The following NELL1 variants were observed in gnomAD, a reference collection of about 807,000 sequenced individuals.
NELL1 encodes protein kinase C-binding protein NELL1.
Under a neutral mutation model 107.4 loss-of-function variants are expected in NELL1, and 76 were observed. That is an observed-to-expected ratio of 0.71 (90% CI 0.59 to 0.86). NELL1 has a LOEUF of 0.86. Among genes scored for constraint, NELL1 ranks in the 40% least tolerant of loss-of-function variants. The probability of loss-of-function intolerance (pLI) is 0.00; values close to 1 mark genes in which losing one functional copy is unlikely to be tolerated. For synonymous variants in NELL1, 353 were observed against 341.2 expected (o/e 1.03, Z -0.38); for missense variants, 1,024 against 1,005.5 (o/e 1.02, Z -0.25).
At chr11:21,485,070 G>T (rs1360487561) in intron 15 of NELL1, among the ~76,000 whole-genome samples, 1 of 152,106 alleles carries the variant, frequency 6.6e-6, no homozygotes, top group Admixed American at 6.5e-5. Context: ...TCATATACTT[G>T]CCATGTATAA....
intron 5 of NELL1, among the ~76,000 whole-genome samples, chr11:20,904,634 G>C (rs1206445530): frequency 1.3e-5 from 2 of 152,074 alleles, no homozygotes; most frequent in African/African-American, 4.8e-5. Flanking sequence ...GGTCAGAAAA[G>C]ACTTGAGAAC....
chr11:20,854,536 A>C (rs1296492125), intron 4 of NELL1, among the ~76,000 whole-genome samples: 1 of 152,212 alleles, frequency 6.6e-6, no homozygotes, highest in Non-Finnish European at 1.5e-5. Context: ...GCTGATGAGC[A>C]AAGACCAAAG....
At position 21,358,812 on chromosome 11, in the gene NELL1, A is replaced by G. The variant is rs531609808; in HGVS notation, c.1550-12041A>G. Among the ~76,000 whole-genome samples the G allele has an allele frequency of 3.3e-5, 5 of 152,050 alleles. No individual in the cohort carries two copies. In the South Asian group the frequency reaches 1.0e-3, roughly 32 times the overall value. Reference sequence around the variant, plus strand: ...AGCTTGGGCATTGTTGATATGTACCAGTGCTACTGATTTGTGTACATTGTA... The same window carrying G: ...AGCTTGGGCATTGTTGATATGTACCGGTGCTACTGATTTGTGTACATTGTA... On this transcript the variant is annotated intron_variant, in intron 14 of 19. Transcript: ENST00000357134.
intron 14 of NELL1, among the ~76,000 whole-genome samples, chr11:21,319,734 G>A (rs1336485713): frequency 2.0e-5 from 3 of 151,720 alleles, no homozygotes; most frequent in Non-Finnish European, 2.9e-5. Flanking sequence ...TGGATCATGA[G>A]GTCAGGAGAT....
At chr11:21,465,981 T>TAGGG (rs1854020359) in intron 15 of NELL1, among the ~76,000 whole-genome samples, 1 of 152,020 alleles carries the variant, frequency 6.6e-6, no homozygotes, top group Non-Finnish European at 1.5e-5. Context: ...CAGTCAACTG[T>TAGGG]AGGGATCCAA....
At chr11:21,469,993 A>T (rs915871529) in intron 15 of NELL1, among the ~76,000 whole-genome samples, 72 of 152,060 alleles carry the variant, frequency 4.7e-4, no homozygotes, top group African/African-American at 1.6e-3. Context: ...TCTTTCTCTG[A>T]AAAGTATAAT....
chr11:20,686,527 G>A (rs1185895383), intron 2 of NELL1, among the ~76,000 whole-genome samples: 3 of 152,114 alleles, frequency 2.0e-5, no homozygotes, highest in Admixed American at 6.6e-5. Context: ...ACTGCCGGGT[G>A]GTTGGAGAGG....
intron 12 of NELL1, among the ~76,000 whole-genome samples, chr11:21,062,472 A>T (rs1475026927): frequency 6.6e-6 from 1 of 152,234 alleles, no homozygotes; most frequent in Non-Finnish European, 1.5e-5. Context: ...TCTATTAACT[A>T]GAAAGCTTTT....
chr11:21,489,903 C>T (rs77530422), intron 15 of NELL1, among the ~76,000 whole-genome samples: 2,274 of 151,992 alleles, frequency 0.015, 62 homozygotes, highest in African/African-American at 0.052. Context: ...CAAAGATGCC[C>T]ACTTACATCA....
intron 12 of NELL1, among the ~76,000 whole-genome samples, chr11:21,096,761 C>G (rs1020911654): frequency 6.6e-6 from 1 of 152,154 alleles, no homozygotes; most frequent in African/African-American, 2.4e-5. Flanking sequence ...GGGTCTCACT[C>G]TGTCACCCAG....
At chr11:20,874,130 C>T (rs141659833) in intron 4 of NELL1, among the ~76,000 whole-genome samples, 412 of 152,266 alleles carry the variant, frequency 2.7e-3, no homozygotes, top group Admixed American at 4.6e-3. Context: ...TGCAATGGCA[C>T]GATCACGGCT....
Position 21,096,093 on chromosome 11 carries a change from A to G in NELL1, c.1301-17496A>G, listed in dbSNP as rs115742364. 8.9e-3 allele frequency among the ~76,000 whole-genome samples: 1,351 copies of G among 152,224 alleles called. 26 individuals carry two copies. The highest frequency in any genetic ancestry group is 0.031 in the African/African-American group (1,280 of 41,540). On this transcript the variant is annotated intron_variant, in intron 12 of 19. Transcript: ENST00000357134. ...ACAACATGTGAGAATTGAGGATGCAAGTTGGGTGGGGACATAGCCAAGCCA... is the reference window on the plus strand; with the variant it reads ...ACAACATGTGAGAATTGAGGATGCAGGTTGGGTGGGGACATAGCCAAGCCA...
intron 15 of NELL1, among the ~76,000 whole-genome samples, chr11:21,476,342 G>A (rs1191563640): frequency 6.6e-6 from 1 of 152,092 alleles, no homozygotes; most frequent in African/African-American, 2.4e-5. Context: ...AATCAATAGA[G>A]GGTAGCATAC....
At chr11:20,674,723 G>A (rs941433145) in intron 1 of NELL1, among the ~76,000 whole-genome samples, 4 of 152,202 alleles carry the variant, frequency 2.6e-5, no homozygotes, top group Admixed American at 6.5e-5. Context: ...TCTGGATTGA[G>A]GGCACTGTGT....
intron 12 of NELL1, among the ~76,000 whole-genome samples, chr11:21,062,913 T>A (rs887412974): frequency 6.6e-6 from 1 of 152,154 alleles, no homozygotes; most frequent in Non-Finnish European, 1.5e-5. Flanking sequence ...CTGCAACCTC[T>A]GCCTCCTGGG....
chr11:21,350,566 CT>C (rs1450871827), intron 14 of NELL1, among the ~76,000 whole-genome samples: 6 of 152,130 alleles, frequency 3.9e-5, no homozygotes, highest in African/African-American at 7.2e-5. Flanking sequence ...CTGAGTGACT[CT>C]TCTGGCAGGT....
chr11:21,314,569 A>C (rs1849830870), intron 14 of NELL1, among the ~76,000 whole-genome samples: 1 of 152,178 alleles, frequency 6.6e-6, no homozygotes, highest in South Asian at 2.1e-4. Flanking sequence ...AGGATGCTGG[A>C]TATAAAATGA....
chr11:20,918,621 A>G (rs572089324), intron 6 of NELL1, among the ~76,000 whole-genome samples: 1 of 152,098 alleles, frequency 6.6e-6, no homozygotes, highest in East Asian at 1.9e-4. Flanking sequence ...ATGAGAGCCA[A>G]GTGAAAGGTG....
chr11:21,520,868 G>A (rs1855709173), intron 15 of NELL1, among the ~76,000 whole-genome samples: 1 of 152,188 alleles, frequency 6.6e-6, no homozygotes, highest in Admixed American at 6.5e-5. Flanking sequence ...TTGATGTGCA[G>A]AAACATTTTT....
Sources: gnomAD v4.1 joint callset for allele counts (sites outside exome capture counted in the v4.1 genomes callset) on GRCh38, gnomAD v4.1.1 for gene constraint, MANE v1.5 for transcripts, NCBI Gene and HGNC (gene_info 2026-07-23, HGNC 2026-07-21) for gene names.